Variants in PKHD1 observed in about 807,000 individuals in gnomAD.
PKHD1 encodes the protein fibrocystin.
In PKHD1, 291 loss-of-function variants were observed where a neutral mutation model predicts 412.0. The ratio of observed to expected loss-of-function variants is 0.71; its 90% CI spans 0.64 to 0.78. The LOEUF (loss-of-function observed/expected upper bound fraction) is 0.78. Ranked by LOEUF, PKHD1 falls within the 30% of genes least tolerant of loss-of-function variation. The probability of loss-of-function intolerance (pLI) is 0.00; values close to 1 mark genes in which losing one functional copy is unlikely to be tolerated. For missense variants in PKHD1, 4,825 were observed against 4,950.7 expected (o/e 0.97, Z 0.76); for synonymous variants, 1,777 against 1,821.5 (o/e 0.98, Z 0.62).
At chr6:51,625,354 T>G (rs1392742186) in intron 66 of PKHD1, among the ~76,000 whole-genome samples, 3 of 152,152 alleles carry the variant, frequency 2.0e-5, no homozygotes, top group Non-Finnish European at 1.5e-5. Flanking sequence ...AATAAGTAGG[T>G]GTTTCATAGC....
In PKHD1 at chr6:51,672,476, A is replaced by T. The variant is rs35705010; in HGVS notation, c.10157-12507T>A. Among the ~76,000 whole-genome samples, 1,490 of 152,312 alleles carry T rather than the reference A, an allele frequency of 9.8e-3. 12 individuals carry two copies. Among genetic ancestry groups the T allele is most frequent in the Middle Eastern group, 0.017 (5 of 294 alleles). ...AACACATAGCTGAGATTTGTTTTGGAGCCTTGCAAGGGGCGCATGTAAGTG... is the reference window on the plus strand; with the variant it reads ...AACACATAGCTGAGATTTGTTTTGGTGCCTTGCAAGGGGCGCATGTAAGTG... On this transcript the variant is annotated intron_variant, in intron 60 of 66. Transcript: ENST00000371117.
intron 43 of PKHD1, among the ~76,000 whole-genome samples, chr6:51,893,045 G>T (rs1779351238): frequency 1.3e-5 from 2 of 152,160 alleles, no homozygotes; most frequent in Non-Finnish European, 2.9e-5. Flanking sequence ...CCTTGGGAAA[G>T]GTCAGCGGTA....
At chr6:51,802,314 C>T (rs977908628) in intron 52 of PKHD1, among the ~76,000 whole-genome samples, 5 of 151,518 alleles carry the variant, frequency 3.3e-5, no homozygotes, top group Non-Finnish European at 7.4e-5. Context: ...GAACAATATG[C>T]ATTTTGATAA....
intron 37 of PKHD1, among the ~76,000 whole-genome samples, chr6:51,931,983 A>T (rs901725030): frequency 2.0e-5 from 3 of 151,900 alleles, no homozygotes; most frequent in Non-Finnish European, 4.4e-5. Context: ...GAAGGAGAAT[A>T]AAGGAGAGGG....
intron 48 of PKHD1, among the ~76,000 whole-genome samples, chr6:51,856,410 C>T (rs1773321008): frequency 6.6e-6 from 1 of 152,220 alleles, no homozygotes; most frequent in Admixed American, 6.5e-5. Flanking sequence ...AGTCTCAGCT[C>T]ACTGCAACCT....
At chr6:51,887,358 T>C in intron 43 of PKHD1, 113 bp from the exon 44 acceptor site, 2 of 745,810 alleles carry the variant, frequency 2.7e-6, no homozygotes, top group Non-Finnish European at 4.9e-6. Context: ...TCTGCCAAAG[T>C]ACATTAAAAC....
Position 51,748,214 on chromosome 6 carries a change from C to A in PKHD1, c.9402G>T (p.Lys3134Asn), listed in dbSNP as rs143737660. 1.9e-6 allele frequency: 3 copies of A among 1,614,046 alleles called. No homozygotes were observed. The highest frequency in any genetic ancestry group is 2.5e-6 in the Non-Finnish European group (3 of 1,179,968). Residue 3134 changes from lysine to asparagine, a missense_variant, in exon 58 of 67, where the codon AAG becomes AAT. Coordinates refer to ENST00000371117, the MANE Select transcript of PKHD1 (RefSeq NM_138694.4). ...TGGTACAGTTGTCAAGTCCACTTTCCTTATAGAGATGAAGGCCATGAAGAC... is the reference window on the plus strand; with the variant it reads ...TGGTACAGTTGTCAAGTCCACTTTCATTATAGAGATGAAGGCCATGAAGAC... The part of the protein sequence containing the change: ...HSSLHGLHLY[K>N]ESGLDNCTRI...
intron 56 of PKHD1, 142 bp from the exon 57 acceptor site, chr6:51,753,495 G>T: frequency 1.4e-6 from 1 of 724,200 alleles, no homozygotes; most frequent in South Asian, 1.5e-5. Flanking sequence ...CTTTTCCTGG[G>T]GCATTCTCCA....
intron 33 of PKHD1, among the ~76,000 whole-genome samples, chr6:52,018,455 A>G (rs1449826131): frequency 6.6e-6 from 1 of 152,226 alleles, no homozygotes; most frequent in African/African-American, 2.4e-5. Flanking sequence ...TCAGGTGTGT[A>G]AAATGGCATT....
intron 37 of PKHD1, among the ~76,000 whole-genome samples, chr6:51,918,016 A>T (rs929235928): frequency 1.3e-5 from 2 of 152,064 alleles, no homozygotes; most frequent in Non-Finnish European, 2.9e-5. Context: ...TAAGACAAAC[A>T]AGAGCCAGCC....
chr6:51,804,018 T>C (rs575026163), intron 52 of PKHD1, among the ~76,000 whole-genome samples: 2 of 151,552 alleles, frequency 1.3e-5, no homozygotes, highest in East Asian at 3.9e-4. Flanking sequence ...ATTGATGGGA[T>C]GAGTTTTGGA....
chr6:52,046,943 C>G (rs1344813923), intron 23 of PKHD1, among the ~76,000 whole-genome samples: 1 of 152,222 alleles, frequency 6.6e-6, no homozygotes, highest in African/African-American at 2.4e-5. Context: ...TGCCTTCTAC[C>G]TACTCAAGAG....
At chr6:52,081,667 A>G (rs985548579) in intron 4 of PKHD1, among the ~76,000 whole-genome samples, 3 of 152,232 alleles carry the variant, frequency 2.0e-5, no homozygotes, top group African/African-American at 4.8e-5. Flanking sequence ...TCTCCTTTCA[A>G]AAAAGGGAAA....
chr6:51,971,316 G>C (rs1793636686), intron 35 of PKHD1, among the ~76,000 whole-genome samples: 1 of 152,144 alleles, frequency 6.6e-6, no homozygotes, highest in Admixed American at 6.5e-5. Context: ...AGTTTTCACA[G>C]AGACCATGTT....
intron 36 of PKHD1, among the ~76,000 whole-genome samples, chr6:51,942,947 C>G (rs1467133239): frequency 6.6e-6 from 1 of 151,566 alleles, no homozygotes; most frequent in Admixed American, 6.6e-5. Flanking sequence ...TGGCTTTACT[C>G]AACATGCCCC....
chr6:51,715,836 T>G (rs1009086746), intron 60 of PKHD1, among the ~76,000 whole-genome samples: 3 of 151,988 alleles, frequency 2.0e-5, no homozygotes, highest in Non-Finnish European at 2.9e-5. Context: ...AGAAGAAAAA[T>G]AAGAAGAAAT....
chr6:51,914,462 C>A (rs1460306325), intron 37 of PKHD1, among the ~76,000 whole-genome samples: 1 of 152,102 alleles, frequency 6.6e-6, no homozygotes, highest in Non-Finnish European at 1.5e-5. Context: ...TTTCTAGCTA[C>A]ATAGTAGATA....
chr6:51,689,490 G>T (rs1452370360), intron 60 of PKHD1, among the ~76,000 whole-genome samples: 2 of 152,142 alleles, frequency 1.3e-5, no homozygotes, highest in African/African-American at 4.8e-5. Context: ...GGAAGTTCTG[G>T]CCAGGGCAAT....
chr6:52,010,422 T>C lies in PKHD1; in HGVS notation c.5638A>G (p.Ser1880Gly), dbSNP rs768732418. ...GTTTCCATGGTAATGTTACAGGAGC[T>C]ATTATAGATGAGAACTTCATCTCTT... is the stretch of plus-strand genomic sequence containing the variant. ...LERDEVLIYN[S>G]SCNITMETEA... The change falls in exon 35 of 67, where the codon AGC (serine) becomes GGC (glycine). Residue 1880 changes from serine (S) to glycine (G), a missense_variant. Ser to Gly is a moderately conservative substitution (Grantham distance 56). Transcript: ENST00000371117. 1 of 1,609,038 alleles carries C rather than the reference T, an allele frequency of 6.2e-7. No homozygotes were observed. Among genetic ancestry groups the C allele is most frequent in the Non-Finnish European group, 8.5e-7 (1 of 1,175,430 alleles).
Sources: allele counts gnomAD v4.1 joint callset (sites outside exome capture counted in the v4.1 genomes callset), GRCh38; gene constraint gnomAD v4.1.1; transcripts MANE v1.5; gene names NCBI Gene and HGNC (gene_info 2026-07-23, HGNC 2026-07-21).